MYT1L: variants seen among roughly 807,000 people sequenced by gnomAD.
MYT1L encodes the protein myelin transcription factor 1 like.
In MYT1L, 12 loss-of-function variants were observed where a neutral mutation model predicts 126.7. The ratio of observed to expected loss-of-function variants is 0.09; its 90% CI spans 0.06 to 0.15. The LOEUF (loss-of-function observed/expected upper bound fraction) is 0.15, where lower values mean the gene tolerates loss of function less well. Ranked by LOEUF, MYT1L falls within the 10% of genes least tolerant of loss-of-function variation. The probability of loss-of-function intolerance (pLI) is 1.00; values close to 1 mark genes in which losing one functional copy is unlikely to be tolerated. For missense variants in MYT1L, 979 were observed against 1,585.2 expected, an observed-to-expected ratio of 0.62 and a Z score of 6.49; for synonymous variants, 541 against 604.2, an observed-to-expected ratio of 0.90 and a Z score of 1.53.
chr2:1,995,889 C>G (rs747584104), intron 5 of MYT1L, among the ~76,000 whole-genome samples: 3 of 152,144 alleles, frequency 2.0e-5, no homozygotes, highest in Admixed American at 2.0e-4. Flanking sequence ...AAGTGAAGAG[C>G]TACAAGAGAG....
chr2:2,326,504 T>G (rs374418229), intron 1 of MYT1L: 5 of 152,222 alleles, frequency 3.3e-5, no homozygotes, highest in African/African-American at 1.2e-4. Context: ...GAGAATGTCC[T>G]GTACCATTCC....
rs74349966 is a variant in MYT1L at position 2,045,763 on chromosome 2, T to G, written c.-158+8215A>C. The stretch of plus-strand genomic sequence containing the variant: ...TGCCTTTGCTCAGCTGGTGGAAGAT[T>G]CTTTCCACACTATTCTCTCAAATTC... On this transcript the variant is annotated intron_variant, in intron 4 of 24. Coordinates refer to ENST00000647738, the MANE Select transcript of MYT1L (RefSeq NM_001303052.2). 2.3e-4 allele frequency among the ~76,000 whole-genome samples: 35 copies of G among 152,306 alleles called. No individual in the cohort carries two copies. In the East Asian group the frequency reaches 5.4e-3, roughly 24 times the overall value.
At chr2:1,995,713 C>T (rs556422289) in intron 5 of MYT1L, among the ~76,000 whole-genome samples, 38 of 152,224 alleles carry the variant, frequency 2.5e-4, no homozygotes, top group African/African-American at 8.9e-4. Flanking sequence ...GGGCGTGGGA[C>T]CAGCTGATGC....
At chr2:2,304,678 C>A (rs2095835456) in intron 1 of MYT1L, among the ~76,000 whole-genome samples, 1 of 152,154 alleles carries the variant, frequency 6.6e-6, no homozygotes, top group South Asian at 2.1e-4. Flanking sequence ...CAGTCATAGG[C>A]AACACACAAA....
At chr2:2,029,666 C>A (rs1302245084) in intron 4 of MYT1L, among the ~76,000 whole-genome samples, 1 of 152,180 alleles carries the variant, frequency 6.6e-6, no homozygotes, top group Non-Finnish European at 1.5e-5. Context: ...GCTTTCCACA[C>A]ATGAAATGAC....
intron 4 of MYT1L, among the ~76,000 whole-genome samples, chr2:2,036,943 T>A (rs990262430): frequency 2.6e-5 from 4 of 152,228 alleles, no homozygotes; most frequent in African/African-American, 9.6e-5. Context: ...TCTCATTTTG[T>A]TCCCTGATGC....
At chr2:1,825,174 G>A (rs1220909905) in intron 21 of MYT1L, 2 of 152,244 alleles carry the variant, frequency 1.3e-5, no homozygotes, top group African/African-American at 2.4e-5. Flanking sequence ...CAGACACAGA[G>A]AGGCCTCAGG....
rs562922486 is a variant in MYT1L, at chr2:2,261,076, C to A, written c.-421+23328G>T. On this transcript the variant is annotated intron_variant, in intron 2 of 24. Coordinates refer to ENST00000647738, the MANE Select transcript of MYT1L (RefSeq NM_001303052.2). ...TGGTTAGGCAACATTTGCCTCAGTC[C>A]ATTGCCCCATGCTCAACTCACCCTA... 2.0e-5 allele frequency among the ~76,000 whole-genome samples: 3 copies of A among 152,240 alleles called. No homozygotes were observed. In the East Asian group the frequency reaches 5.8e-4, roughly 29 times the overall value.
At chr2:2,039,129 C>T (rs767074280) in intron 4 of MYT1L, among the ~76,000 whole-genome samples, 3 of 152,198 alleles carry the variant, frequency 2.0e-5, no homozygotes, top group Admixed American at 6.5e-5. Flanking sequence ...TCTCACGGAG[C>T]GCATTTTCCC....
At chr2:2,147,834 T>C (rs1456884764) in intron 3 of MYT1L, among the ~76,000 whole-genome samples, 1 of 152,208 alleles carries the variant, frequency 6.6e-6, no homozygotes, top group African/African-American at 2.4e-5. Context: ...GGCAGATCAC[T>C]GTCACTTAAA....
At chr2:2,037,433 G>C (rs1312239248) in intron 4 of MYT1L, among the ~76,000 whole-genome samples, 2 of 151,420 alleles carry the variant, frequency 1.3e-5, no homozygotes, top group Non-Finnish European at 2.9e-5. Context: ...CAAGTAATCA[G>C]ATTCAGTTGA....
At chr2:2,175,664 TG>T (rs2090658498) in intron 2 of MYT1L, among the ~76,000 whole-genome samples, 1 of 152,204 alleles carries the variant, frequency 6.6e-6, no homozygotes. Context: ...TGCCCGAGCC[TG>T]GTTTTACATA....
chr2:2,308,315 C>T (rs999674192), intron 1 of MYT1L, among the ~76,000 whole-genome samples: 1 of 151,534 alleles, frequency 6.6e-6, no homozygotes. Context: ...ACGTTCTACC[C>T]ATACTCCACC....
intron 21 of MYT1L, among the ~76,000 whole-genome samples, chr2:1,826,786 T>G (rs2039414153): frequency 6.6e-6 from 1 of 151,388 alleles, no homozygotes; most frequent in Admixed American, 6.6e-5. Flanking sequence ...CCCTGAAGGC[T>G]TCCTTGTAAA....
At chr2:2,299,602 A>T (rs914530123) in intron 1 of MYT1L, among the ~76,000 whole-genome samples, 5 of 152,232 alleles carry the variant, frequency 3.3e-5, no homozygotes, top group African/African-American at 1.2e-4. Flanking sequence ...CTCAGTGCTT[A>T]CTAAGTACGA....
intron 18 of MYT1L, among the ~76,000 whole-genome samples, chr2:1,874,728 C>T (rs2046682858): frequency 6.6e-6 from 1 of 152,212 alleles, no homozygotes; most frequent in African/African-American, 2.4e-5. Context: ...TGTGATGCTG[C>T]AACCTGATCC....
chr2:1,868,062 G>T (rs1298711055), intron 18 of MYT1L, among the ~76,000 whole-genome samples: 1 of 152,052 alleles, frequency 6.6e-6, no homozygotes, highest in Non-Finnish European at 1.5e-5. Context: ...CGCCTCCTGG[G>T]TTCAGGTGAT....
intron 4 of MYT1L, among the ~76,000 whole-genome samples, chr2:2,004,784 ATTCTTTCCTGCATGTG>A (rs2062997927): frequency 7.9e-5 from 4 of 50,420 alleles, no homozygotes; most frequent in Middle Eastern, 0.014. Context: ...TCCTGCAGGC[ATTCTTTCCTGCATGTG>A]TTCTTTCCTG....
rs1281063947 is a variant in MYT1L, at chr2:1,840,873, C to T, written c.2775-30G>A. The T allele has an allele frequency of 5.6e-6, 8 of 1,424,928 alleles. No individual in the cohort carries two copies. The East Asian group carries it at 2.0e-4, about 35-fold the overall frequency. 88.3% of individuals were successfully genotyped at this position (1,424,928 alleles called of 1,614,324 possible). The stretch of plus-strand genomic sequence containing the variant: ...ATAAGAAACACATTTCAGAAAGCAC[C>T]CCACACCGTTGATTTCAGTGAGCTT... On this transcript the variant is annotated intron_variant, in intron 19 of 24. Coordinates refer to ENST00000647738, the MANE Select transcript of MYT1L (RefSeq NM_001303052.2).
Sources: allele counts gnomAD v4.1 joint callset (sites outside exome capture counted in the v4.1 genomes callset), GRCh38; gene constraint gnomAD v4.1.1; transcripts MANE v1.5; gene names NCBI Gene and HGNC (gene_info 2026-07-23, HGNC 2026-07-21).